Variants in KCNJ15 observed in about 807,000 individuals in gnomAD.
KCNJ15 encodes potassium inwardly rectifying channel subfamily J member 15.
KCNJ15 carries 14 observed loss-of-function variants against 23.0 expected under a neutral mutation model. The ratio of observed to expected loss-of-function variants is 0.61; its 90% confidence interval spans 0.40 to 0.95. The LOEUF is 0.95. Ranked by LOEUF, KCNJ15 falls within the 40% of genes least tolerant of loss-of-function variation. The pLI, the probability that KCNJ15 is intolerant of heterozygous loss-of-function variation, is 0.00. For synonymous variants in KCNJ15, 185 were observed against 183.2 expected (o/e 1.01, Z -0.08); for missense variants, 388 against 461.8 (o/e 0.84, Z 1.46).
chr21:38,230,779 T>C (rs567901442), intron 1 of KCNJ15, among the ~76,000 whole-genome samples: 31 of 152,270 alleles, frequency 2.0e-4, no homozygotes, highest in Non-Finnish European at 3.2e-4. Context: ...ATTCTATTGA[T>C]CTATATGTTT....
intron 1 of KCNJ15, among the ~76,000 whole-genome samples, chr21:38,265,522 T>C (rs898133601): frequency 3.9e-5 from 6 of 152,226 alleles, no homozygotes; most frequent in Non-Finnish European, 8.8e-5. Context: ...TAGAAATGTA[T>C]ATTTGATGGG....
intron 1 of KCNJ15, among the ~76,000 whole-genome samples, chr21:38,235,168 AG>A (rs1320882808): frequency 6.6e-6 from 1 of 152,246 alleles, no homozygotes; most frequent in Non-Finnish European, 1.5e-5. Flanking sequence ...TCTTTCTTGA[AG>A]CAGACGTTTC....
chr21:38,268,708 C>T (rs1347848791), intron 1 of KCNJ15, among the ~76,000 whole-genome samples: 1 of 152,154 alleles, frequency 6.6e-6, no homozygotes, highest in Non-Finnish European at 1.5e-5. Flanking sequence ...ATCTGACCTT[C>T]CTGGATGTGA....
At chr21:38,282,382 G>A (rs1186352540) in intron 1 of KCNJ15, among the ~76,000 whole-genome samples, 1 of 152,120 alleles carries the variant, frequency 6.6e-6, no homozygotes, top group African/African-American at 2.4e-5. Context: ...GAAGTAATTT[G>A]TTGGATGAAA....
At chr21:38,263,825 G>T (rs904537104) in intron 1 of KCNJ15, among the ~76,000 whole-genome samples, 2 of 151,974 alleles carry the variant, frequency 1.3e-5, no homozygotes, top group Non-Finnish European at 1.5e-5. Context: ...CAGCCCCAAA[G>T]AATTTTTTTT....
At chr21:38,256,201 A>G (rs2123593967), upstream of KCNJ15, among the ~76,000 whole-genome samples, 1 of 151,916 alleles carries the variant, frequency 6.6e-6, no homozygotes, top group Non-Finnish European at 1.5e-5. Context: ...CTGCTTCCAG[A>G]GATCTTCCAT....
At chr21:38,296,258 T>G (rs924253312) in intron 1 of KCNJ15, among the ~76,000 whole-genome samples, 1 of 148,096 alleles carries the variant, frequency 6.8e-6, no homozygotes, top group Non-Finnish European at 1.5e-5. Context: ...ATTAGAGAGA[T>G]AATTGATAGA....
chr21:38,279,519 C>A (rs1026669400), intron 1 of KCNJ15, among the ~76,000 whole-genome samples: 2 of 152,098 alleles, frequency 1.3e-5, no homozygotes, highest in African/African-American at 4.8e-5. Context: ...AAGAGAGTAG[C>A]AGCAGACTGA....
chr21:38,243,845 G>A (rs1016933665), intron 1 of KCNJ15, among the ~76,000 whole-genome samples: 1 of 152,234 alleles, frequency 6.6e-6, no homozygotes, highest in Non-Finnish European at 1.5e-5. Context: ...ACAAATGACA[G>A]GCTGCATTTG....
intron 1 of KCNJ15, among the ~76,000 whole-genome samples, chr21:38,273,883 G>A (rs188780088): frequency 6.6e-6 from 1 of 152,352 alleles, no homozygotes; most frequent in Non-Finnish European, 1.5e-5. Context: ...AGGACTAATT[G>A]ATAGCTAGCA....
intron 1 of KCNJ15, among the ~76,000 whole-genome samples, chr21:38,286,632 A>G (rs1474856996): frequency 6.6e-6 from 1 of 152,230 alleles, no homozygotes; most frequent in African/African-American, 2.4e-5. Context: ...GGAATAAATC[A>G]AGGAAGACTC....
intron 1 of KCNJ15, among the ~76,000 whole-genome samples, chr21:38,248,199 A>G (rs993404949): frequency 2.0e-4 from 31 of 152,238 alleles, no homozygotes; most frequent in African/African-American, 7.5e-4. Context: ...GCACTTCATC[A>G]ACAAATGAAG....
chr21:38,270,918 T>G (rs1982008745), intron 1 of KCNJ15, among the ~76,000 whole-genome samples: 1 of 152,232 alleles, frequency 6.6e-6, no homozygotes, highest in Admixed American at 6.5e-5. Context: ...ATACGTTGCA[T>G]GCATCATCAG....
intron 1 of KCNJ15, among the ~76,000 whole-genome samples, chr21:38,243,795 T>C (rs563097841): frequency 1.3e-5 from 2 of 152,286 alleles, no homozygotes; most frequent in South Asian, 2.1e-4. Flanking sequence ...TGTGAACAAA[T>C]GGGCATGGCT....
At chr21:38,275,519 CAAAA>C (rs10709944) in intron 1 of KCNJ15, among the ~76,000 whole-genome samples, 12 of 88,088 alleles carry the variant, frequency 1.4e-4, no homozygotes, top group East Asian at 1.0e-3. Context: ...GAAACTCCGT[CAAAA>C]AAAAAAAAAA....
intron 1 of KCNJ15, among the ~76,000 whole-genome samples, chr21:38,288,968 G>A (rs1984286050): frequency 1.3e-5 from 2 of 152,134 alleles, no homozygotes; most frequent in Admixed American, 1.3e-4. Context: ...GGGAGGCGGA[G>A]GCAGGCAGAT....
At chr21:38,293,994 G>A (rs1234871626) in intron 1 of KCNJ15, among the ~76,000 whole-genome samples, 1 of 152,186 alleles carries the variant, frequency 6.6e-6, no homozygotes, top group African/African-American at 2.4e-5. Context: ...CAAGGCCAAG[G>A]CCAAAGGTCA....
intron 1 of KCNJ15, among the ~76,000 whole-genome samples, chr21:38,235,508 C>T (rs1027038866): frequency 9.2e-5 from 14 of 152,084 alleles, no homozygotes; most frequent in African/African-American, 3.1e-4. Flanking sequence ...GAGCCAAAGT[C>T]GTGCCACTGC....
At chr21:38,233,818 A>G (rs891383494) in intron 1 of KCNJ15, among the ~76,000 whole-genome samples, 1 of 152,096 alleles carries the variant, frequency 6.6e-6, no homozygotes, top group Non-Finnish European at 1.5e-5. Context: ...ACATAGCTCT[A>G]TTCTCTCTTC....
Sources: gnomAD v4.1 joint callset for allele counts (sites outside exome capture counted in the v4.1 genomes callset) on GRCh38, gnomAD v4.1.1 for gene constraint, MANE v1.5 for transcripts, NCBI Gene and HGNC (gene_info 2026-07-23, HGNC 2026-07-21) for gene names.